INSYN1: variants seen among roughly 807,000 people sequenced by gnomAD.
The protein encoded by INSYN1 is inhibitory synaptic factor 1.
In INSYN1, 7 loss-of-function variants were observed where a neutral mutation model predicts 17.1. That is an observed-to-expected ratio of 0.41 (90% confidence interval 0.23 to 0.77). The LOEUF (loss-of-function observed/expected upper bound fraction) is 0.77. Among genes scored for constraint, INSYN1 ranks in the 30% least tolerant of loss-of-function variants. The pLI, the probability that INSYN1 is intolerant of heterozygous loss-of-function variation, is 0.32. For synonymous variants in INSYN1, 174 were observed against 166.3 expected, an observed-to-expected ratio of 1.05 and a Z score of -0.36; for missense variants, 339 against 400.6, an observed-to-expected ratio of 0.85 and a Z score of 1.31.
intron 2 of INSYN1, among the ~76,000 whole-genome samples, chr15:73,745,445 C>G (rs918927763): frequency 1.3e-5 from 2 of 152,178 alleles, no homozygotes; most frequent in Non-Finnish European, 2.9e-5. Context: ...GTCAGGTTCC[C>G]TATGAAAGGC....
Position 73,739,025 on chromosome 15 carries a change from A to C in INSYN1, c.*892T>G, listed in dbSNP as rs967127794. 1 of 152,250 alleles carries C rather than the reference A, an allele frequency of 6.6e-6. No individual in the cohort carries two copies. The highest frequency in any genetic ancestry group is 1.5e-5 in the Non-Finnish European group (1 of 68,080). 9.4% of individuals were successfully genotyped at this position (152,250 alleles called of 1,614,324 possible). On this transcript the variant is annotated 3_prime_UTR_variant, in exon 3 of 3. Transcript: ENST00000569673. ...AGTGGGGACCACTGGGCTCCTTTCC[A>C]AGGCTGCCCACCTGGTGAAGGTGGC...
At chr15:73,742,580 TCCCCCTGCGG>T (rs1197524639) in intron 2 of INSYN1, among the ~76,000 whole-genome samples, 2 of 151,992 alleles carry the variant, frequency 1.3e-5, no homozygotes, top group Non-Finnish European at 2.9e-5. Flanking sequence ...GCTGAGAATC[TCCCCCTGCGG>T]CCCCCTGCAA....
rs1363768181 is a variant in INSYN1, at chr15:73,751,711, G to A, written c.-567-14C>T. On this transcript the variant is annotated splice_polypyrimidine_tract_variant and intron_variant, in intron 1 of 2. Transcript: ENST00000569673. ...GAGGGCAGCCCCCTGCGGAGAGAGC[G>A]AGCCTGGCGTCAGCCCTCCCAGGCT... The A allele has an allele frequency of 6.5e-6, 1 of 153,654 alleles. No homozygotes were observed. The highest frequency in any genetic ancestry group is 1.4e-5 in the Non-Finnish European group (1 of 69,014). The allele number at this position is 153,654 out of a possible 1,614,324, so 9.5% of individuals were successfully genotyped here.
At chr15:73,741,445 T>G (rs1596036787) in intron 2 of INSYN1, among the ~76,000 whole-genome samples, 1 of 152,342 alleles carries the variant, frequency 6.6e-6, no homozygotes, top group East Asian at 1.9e-4. Flanking sequence ...TGGAGGTCAC[T>G]CCACCCTGGC....
intron 2 of INSYN1, among the ~76,000 whole-genome samples, chr15:73,741,760 G>A (rs967338488): frequency 3.3e-5 from 5 of 152,212 alleles, no homozygotes; most frequent in African/African-American, 7.2e-5. Flanking sequence ...CCTCTCTGGC[G>A]CCCTTCAACC....
In INSYN1 at chr15:73,746,420, G is replaced by A. The variant is rs140184262; in HGVS notation, c.156+4555C>T. ...AGCTGACCCACTTTGGCGCAGCTCC[G>A]TGGTCCCCAGCCTCTCCTGCTCCAG... On this transcript the variant is annotated intron_variant, in intron 2 of 2. Coordinates refer to ENST00000569673, the MANE Select transcript of INSYN1 (RefSeq NM_001039614.3). Among the ~76,000 whole-genome samples, 16 of 152,310 alleles carry A rather than the reference G, an allele frequency of 1.1e-4. No individual in the cohort carries two copies. The East Asian group carries it at 2.5e-3, about 24-fold the overall frequency.
Position 73,739,905 on chromosome 15 carries a change from C to T in INSYN1, c.*12G>A. 1.5e-6 allele frequency: 2 copies of T among 1,374,144 alleles called. No homozygotes were observed. Among genetic ancestry groups the T allele is most frequent in the South Asian group, 1.2e-5 (1 of 82,128 alleles). 85.1% of individuals were successfully genotyped at this position (1,374,144 alleles called of 1,614,324 possible). ...TCTATGTGCCCACCGCCCCCGGCCC[C>T]CTCCCCGGCCCCTAGTTTTTCCCCC... On this transcript the variant is annotated 3_prime_UTR_variant, in exon 3 of 3. Coordinates refer to ENST00000569673, the MANE Select transcript of INSYN1 (RefSeq NM_001039614.3).
At chr15:73,744,141 C>T (rs1901764249) in intron 2 of INSYN1, among the ~76,000 whole-genome samples, 1 of 152,164 alleles carries the variant, frequency 6.6e-6, no homozygotes, top group Non-Finnish European at 1.5e-5. Flanking sequence ...CTACAATGCA[C>T]CGTTGGGGGC....
rs1330842630 is a variant in INSYN1, at chr15:73,752,750, T to C, written c.-1208A>G. On this transcript the variant is annotated 5_prime_UTR_variant, in exon 1 of 3. Transcript: ENST00000569673. The surrounding 1 kb of genome is among the most constrained non-coding windows in gnomAD (Gnocchi z 5.2). ...GGGCGAGACCGCTCCCACGGCTCAG[T>C]TCACGTTCCGAAAGGTCCGGAATCC... 1 of 151,564 alleles carries C rather than the reference T, an allele frequency of 6.6e-6. No homozygotes were observed. Among genetic ancestry groups the C allele is most frequent in the Non-Finnish European group, 1.5e-5 (1 of 67,834 alleles). 9.4% of individuals were successfully genotyped at this position (151,564 alleles called of 1,614,324 possible).
At position 73,739,946 on chromosome 15, in the gene INSYN1, T is replaced by C; in HGVS notation, c.853A>G (p.Thr285Ala). The C allele has an allele frequency of 3.1e-6, 5 of 1,600,782 alleles. No individual in the cohort carries two copies. Among genetic ancestry groups the C allele is most frequent in the Non-Finnish European group, 4.3e-6 (5 of 1,172,696 alleles). ...TTTTTCCCCCTGGCTTTCTGTCTAG[T>C]GGCTGTGTAGGGCAGAACCGTCTGC... The part of the protein sequence containing the change: ...STQTVLPYTA[T>A]RQKARGKN The change falls in exon 3 of 3, where the codon ACT (threonine) becomes GCT (alanine). Residue 285 changes from threonine (T) to alanine (A), a missense_variant. Physicochemically the swap from Thr to Ala is moderately conservative, Grantham distance 58. Coordinates refer to ENST00000569673, the MANE Select transcript of INSYN1 (RefSeq NM_001039614.3).
Position 73,740,396 on chromosome 15 carries a change from C to G in INSYN1, c.403G>C (p.Ala135Pro), listed in dbSNP as rs1196512569. Reference sequence around the variant, plus strand: ...TTCATGAGGCGGTAGTCAGGGCCAGCCCCTGGCCGAGTCGACTCGGGACCA... The same window carrying G: ...TTCATGAGGCGGTAGTCAGGGCCAGGCCCTGGCCGAGTCGACTCGGGACCA... Reference protein sequence around the residue: ...VDGPESTRPGAGPDYRLMNGG... With the variant: ...VDGPESTRPGPGPDYRLMNGG... The change falls in exon 3 of 3, where the codon GCT becomes CCT. Residue 135 changes from alanine to proline, a missense_variant. Physicochemically the swap from Ala to Pro is conservative, Grantham distance 27. Coordinates refer to ENST00000569673, the MANE Select transcript of INSYN1 (RefSeq NM_001039614.3). 1 of 1,609,640 alleles carries G rather than the reference C, an allele frequency of 6.2e-7. No individual in the cohort carries two copies. Among genetic ancestry groups the G allele is most frequent in the East Asian group, 2.2e-5 (1 of 44,836 alleles).
Position 73,740,155 on chromosome 15 carries a change from ACTT to A in INSYN1, c.641_643del (p.Glu214del), listed in dbSNP as rs1161563365. 1.2e-6 allele frequency: 2 copies of A among 1,613,830 alleles called. No individual in the cohort carries two copies. Among genetic ancestry groups the A allele is most frequent in the Admixed American group, 1.7e-5 (1 of 60,004 alleles). ...ATGGGCAGGCTCAGGGGGCAAGCCC[ACTT>A]CTTCCTCCTCCACCTCCTGCTCACC... On this transcript the variant is annotated inframe_deletion, in exon 3 of 3. Coordinates refer to ENST00000569673, the MANE Select transcript of INSYN1 (RefSeq NM_001039614.3).
chr15:73,751,036 A>G lies in INSYN1; in HGVS notation c.95T>C (p.Val32Ala), dbSNP rs1901963037. The change falls in exon 2 of 3, where the codon GTC becomes GCC. Residue 32 changes from valine to alanine, a missense_variant. By Grantham distance (64) the Val-to-Ala change is moderately conservative. Coordinates refer to ENST00000569673, the MANE Select transcript of INSYN1 (RefSeq NM_001039614.3). ...RERIRQRMKM[V>A]IGQLEGILRE... ...AAGGATGCCCTCAAGCTGCCCGATG[A>G]CCATCTTCATGCGCTGTCGAATCCG... 1 of 1,613,806 alleles carries G rather than the reference A, an allele frequency of 6.2e-7. No individual in the cohort carries two copies. The highest frequency in any genetic ancestry group is 1.3e-5 in the African/African-American group (1 of 74,834).
rs1901549137 is a variant in INSYN1, at chr15:73,737,090, G to A, written c.*2827C>T. 6.6e-6 allele frequency: 1 copy of A among 152,436 alleles called. No homozygotes were observed. The highest frequency in any genetic ancestry group is 1.5e-5 in the Non-Finnish European group (1 of 68,236). The allele number at this position is 152,436 out of a possible 1,614,324, so 9.4% of individuals were successfully genotyped here. Reference sequence around the variant, plus strand: ...CAAATGGCCAGGCAGGGGAGCAGGGGGCGACTGATGGACATTAGCCACTAC... The same window carrying A: ...CAAATGGCCAGGCAGGGGAGCAGGGAGCGACTGATGGACATTAGCCACTAC... On this transcript the variant is annotated 3_prime_UTR_variant, in exon 3 of 3. Coordinates refer to ENST00000569673, the MANE Select transcript of INSYN1 (RefSeq NM_001039614.3).
intron 2 of INSYN1, among the ~76,000 whole-genome samples, chr15:73,748,840 G>A (rs1294707725): frequency 6.6e-6 from 1 of 152,142 alleles, no homozygotes; most frequent in Non-Finnish European, 1.5e-5. Flanking sequence ...CCCTGCCTGG[G>A]GGACGAGAGA....
In INSYN1 at chr15:73,740,034, G is replaced by A; in HGVS notation, c.765C>T (p.Ala255=). ...LTSRHSGSTL[A]PEQTRRVTRN... is the part of the protein sequence containing the mutation. ...TCGTGACCCTTCGAGTCTGTTCAGG[G>A]GCCAAGGTAGAGCCTGAGTGGCGGC... The change falls in exon 3 of 3, where the codon GCC becomes GCT. Residue 255 remains alanine (A), a synonymous_variant. Coordinates refer to ENST00000569673, the MANE Select transcript of INSYN1 (RefSeq NM_001039614.3). The A allele has an allele frequency of 6.2e-7, 1 of 1,613,634 alleles. No homozygotes were observed. The highest frequency in any genetic ancestry group is 8.5e-7 in the Non-Finnish European group (1 of 1,179,892).
intron 2 of INSYN1, among the ~76,000 whole-genome samples, chr15:73,741,525 G>A (rs535445343): frequency 6.6e-6 from 1 of 152,326 alleles, no homozygotes; most frequent in South Asian, 2.1e-4. Flanking sequence ...CCCTTGCCTG[G>A]GTGGCCACTG....
In INSYN1 at chr15:73,739,883, A is replaced by G. The variant is rs1901634231; in HGVS notation, c.*34T>C. 1.3e-6 allele frequency: 1 copy of G among 750,414 alleles called. No individual in the cohort carries two copies. Among genetic ancestry groups the G allele is most frequent in the Non-Finnish European group, 2.2e-6 (1 of 451,830 alleles). The allele number at this position is 750,414 out of a possible 1,614,324, so 46.5% of individuals were successfully genotyped here. ...TATATATATATTTATTTATAGCTCT[A>G]TGTGCCCACCGCCCCCGGCCCCCTC... On this transcript the variant is annotated 3_prime_UTR_variant, in exon 3 of 3. Transcript: ENST00000569673.
rs1596033473 is a variant in INSYN1, at chr15:73,735,574, A to G, written c.*4343T>C. On this transcript the variant is annotated 3_prime_UTR_variant, in exon 3 of 3. Coordinates refer to ENST00000569673, the MANE Select transcript of INSYN1 (RefSeq NM_001039614.3). ...TCTCCAAAGACTGAGGCATGTTCACATGTTTCCTCACCCCAACACTCCCCT... is the reference window on the plus strand; with the variant it reads ...TCTCCAAAGACTGAGGCATGTTCACGTGTTTCCTCACCCCAACACTCCCCT... 1 of 144,908 alleles carries G rather than the reference A, an allele frequency of 6.9e-6. No individual in the cohort carries two copies. The highest frequency in any genetic ancestry group is 1.5e-5 in the Non-Finnish European group (1 of 67,074). 9.0% of individuals were successfully genotyped at this position (144,908 alleles called of 1,614,324 possible). A position where few individuals can be genotyped will look rare whatever the true frequency, so the allele number is the denominator to read the frequency against.
Sources: allele counts gnomAD v4.1 joint callset (sites outside exome capture counted in the v4.1 genomes callset), GRCh38; gene constraint gnomAD v4.1.1; non-coding constraint Gnocchi (gnomAD v3.1); transcripts MANE v1.5; gene names NCBI Gene and HGNC (gene_info 2026-07-23, HGNC 2026-07-21).